Variants in DST observed in about 807,000 individuals in gnomAD.
DST encodes the protein dystonin.
In DST, 253 loss-of-function variants were observed where a neutral mutation model predicts 875.2. The ratio of observed to expected loss-of-function variants is 0.29; its 90% CI spans 0.26 to 0.32. DST has a LOEUF of 0.32. Ranked by LOEUF, DST falls within the 10% of genes least tolerant of loss-of-function variation. DST has a pLI of 1.00. For missense variants in DST, 8,287 were observed against 9,111.6 expected (o/e 0.91, Z 3.68); for synonymous variants, 3,124 against 3,197.1 (o/e 0.98, Z 0.77).
intron 3 of DST, among the ~76,000 whole-genome samples, chr6:56,899,625 C>T (rs1469224602): frequency 6.6e-6 from 1 of 152,162 alleles, no homozygotes; most frequent in Non-Finnish European, 1.5e-5. Context: ...CATACAGACA[C>T]TTTTTTCTAA....
At chr6:56,610,668 C>T in intron 38 of DST, 106 bp from the exon 39 acceptor site, 2 of 876,884 alleles carry the variant, frequency 2.3e-6, no homozygotes, top group South Asian at 3.7e-5. Context: ...AAAATATAGC[C>T]TCACATACAT....
intron 3 of DST, among the ~76,000 whole-genome samples, chr6:56,891,732 T>C (rs1401197867): frequency 6.9e-6 from 1 of 144,908 alleles, no homozygotes; most frequent in Non-Finnish European, 1.5e-5. Context: ...AAACCCTGTC[T>C]CAAAAAAAAG....
intron 8 of DST, 23 bp from the exon 9 acceptor site, chr6:56,699,768 A>T (rs79081659): frequency 8.6e-7 from 1 of 1,165,906 alleles, no homozygotes; most frequent in Non-Finnish European, 1.2e-6. Context: ...TGAAGAAGAG[A>T]TAAAACCAAC....
intron 5 of DST, among the ~76,000 whole-genome samples, chr6:56,724,762 T>C (rs1241977966): frequency 6.6e-6 from 1 of 152,218 alleles, no homozygotes; most frequent in Admixed American, 6.5e-5. Flanking sequence ...TTAACTGGCA[T>C]TCATCACTGT....
At chr6:56,879,401 G>A (rs1323107156) in intron 3 of DST, among the ~76,000 whole-genome samples, 2 of 152,006 alleles carry the variant, frequency 1.3e-5, no homozygotes, top group East Asian at 3.9e-4. Context: ...AACCCGGGAG[G>A]TGGAGTTTGC....
intron 37 of DST, 77 bp downstream of exon 37, chr6:56,614,279 G>A: frequency 7.6e-7 from 1 of 1,320,368 alleles, no homozygotes; most frequent in East Asian, 2.5e-5. Context: ...ATTAAACATT[G>A]TGCTAGGTAA....
intron 5 of DST, among the ~76,000 whole-genome samples, chr6:56,717,065 C>T (rs2099397588): frequency 6.6e-6 from 1 of 152,100 alleles, no homozygotes; most frequent in South Asian, 2.1e-4. Flanking sequence ...CGCCTGTAGT[C>T]CCAGCTACTC....
intron 55 of DST, among the ~76,000 whole-genome samples, chr6:56,563,477 G>C (rs1356972439): frequency 2.0e-5 from 3 of 152,080 alleles, no homozygotes; most frequent in Non-Finnish European, 4.4e-5. Flanking sequence ...GTAGATTCTG[G>C]TATCAGCCAT....
In DST at chr6:56,503,767, C is replaced by T. The variant is rs537293023; in HGVS notation, c.19566+230G>A. 1.9e-4 allele frequency among the ~76,000 whole-genome samples: 29 copies of T among 152,036 alleles called. No individual in the cohort carries two copies. In the South Asian group the frequency reaches 4.0e-3, roughly 21 times the overall value. ...ATTTGCATTTTCTGATTTTTCTATACGAACAGTTATTAATTGACTATAAAA... is the reference window on the plus strand; with the variant it reads ...ATTTGCATTTTCTGATTTTTCTATATGAACAGTTATTAATTGACTATAAAA... On this transcript the variant is annotated intron_variant, in intron 78 of 103. Coordinates refer to ENST00000680361, the MANE Select transcript of DST (RefSeq NM_001374736.1).
In DST at chr6:56,497,481, C is replaced by T. The variant is rs1287898660; in HGVS notation, c.20121G>A (p.Glu6707=). 1 of 1,613,002 alleles carries T rather than the reference C, an allele frequency of 6.2e-7. No homozygotes were observed. ...RQAKGFHGEI[E]DLQQWLTDTE... is the part of the protein sequence containing the mutation. The stretch of plus-strand genomic sequence containing the variant: ...TGTCAGTCAGCCACTGCTGCAAATC[C>T]TCAATTTCGCCATGGAACCCTTTGG... Residue 6707 remains glutamate (E), a synonymous_variant, in exon 82 of 104, where the codon GAG becomes GAA. Transcript: ENST00000680361.
At chr6:56,728,042 T>C (rs911277553) in intron 5 of DST, among the ~76,000 whole-genome samples, 7 of 152,144 alleles carry the variant, frequency 4.6e-5, no homozygotes, top group African/African-American at 1.2e-4. Flanking sequence ...ATAAATGGCA[T>C]TGACAGTGGT....
chr6:56,629,759 G>C (rs1003201204), intron 31 of DST, among the ~76,000 whole-genome samples: 2 of 152,006 alleles, frequency 1.3e-5, no homozygotes, highest in Non-Finnish European at 2.9e-5. Flanking sequence ...CTGCTTTTAA[G>C]TGCCTACTAA....
chr6:56,459,225 C>T lies in DST; in HGVS notation c.23237G>A (p.Ser7746Asn), dbSNP rs541271813. ...GCTGCTGGCCCTGCTGCCAGCTTTG[C>T]TTCCAGCTCGACTTCCTGGTCGGCT... ...TPSRPGSRAG[S>N]KAGSRASSRR... is the part of the protein sequence containing the mutation. Residue 7746 changes from serine (S) to asparagine (N), a missense_variant, in exon 104 of 104, where the codon AGC (serine) becomes AAC (asparagine). Physicochemically the swap from Ser to Asn is conservative, Grantham distance 46. Coordinates refer to ENST00000680361, the MANE Select transcript of DST (RefSeq NM_001374736.1). 7 of 1,613,324 alleles carry T rather than the reference C, an allele frequency of 4.3e-6. No individual in the cohort carries two copies. The highest frequency in any genetic ancestry group is 2.2e-5 in the East Asian group (1 of 44,864).
intron 4 of DST, among the ~76,000 whole-genome samples, chr6:56,840,919 T>C (rs1275051305): frequency 6.6e-6 from 1 of 152,212 alleles, no homozygotes; most frequent in Non-Finnish European, 1.5e-5. Context: ...CTTGGCAACC[T>C]GATAATATTC....
intron 4 of DST, chr6:56,843,403 G>A: frequency 9.0e-7 from 1 of 1,109,878 alleles, no homozygotes; most frequent in Non-Finnish European, 1.1e-6. Context: ...GTCCCTCTCG[G>A]GTTTCAGCAG....
At chr6:56,545,676 CAT>C (rs1176656040) in intron 61 of DST, among the ~76,000 whole-genome samples, 1 of 152,130 alleles carries the variant, frequency 6.6e-6, no homozygotes, top group African/African-American at 2.4e-5. Flanking sequence ...ATTATTTACT[CAT>C]AGAAAAGAGC....
intron 5 of DST, among the ~76,000 whole-genome samples, chr6:56,706,520 C>A (rs891228803): frequency 1.3e-5 from 2 of 152,172 alleles, no homozygotes; most frequent in African/African-American, 4.8e-5. Context: ...TGTACGCGAA[C>A]AGATAAGCAC....
At chr6:56,459,375 G>A (rs968892575) in intron 103 of DST, 108 bp from the exon 104 acceptor site, 2 of 1,193,054 alleles carry the variant, frequency 1.7e-6, no homozygotes, top group African/African-American at 1.5e-5. Flanking sequence ...CTGGTGTGTA[G>A]TAGGCACTCA....
chr6:56,684,287 G>A (rs182546515), intron 9 of DST, among the ~76,000 whole-genome samples: 1 of 152,166 alleles, frequency 6.6e-6, no homozygotes, highest in Admixed American at 6.5e-5. Context: ...TCCATACAAA[G>A]AAAATAATGC....
Sources: gnomAD v4.1 joint callset for allele counts (sites outside exome capture counted in the v4.1 genomes callset) on GRCh38, gnomAD v4.1.1 for gene constraint, MANE v1.5 for transcripts, NCBI Gene and HGNC (gene_info 2026-07-23, HGNC 2026-07-21) for gene names.